The following SLIT3 variants were observed in gnomAD, a reference collection of about 807,000 sequenced individuals.
SLIT3 encodes slit guidance ligand 3.
In SLIT3, 68 loss-of-function variants were observed where a neutral mutation model predicts 184.0. That is an observed-to-expected ratio of 0.37 (90% confidence interval 0.30 to 0.45). SLIT3 has a LOEUF of 0.45. SLIT3 is among the 20% of genes least tolerant of loss of function. The pLI is 1.00. For synonymous variants in SLIT3, 831 were observed against 828.6 expected (o/e 1.00, Z -0.05); for missense variants, 1,707 against 2,026.0 (o/e 0.84, Z 3.02).
At chr5:168,752,845 G>C in intron 18 of SLIT3, 110 bp downstream of exon 18, 1 of 1,141,094 alleles carries the variant, frequency 8.8e-7, no homozygotes, top group Non-Finnish European at 1.3e-6. Flanking sequence ...GAGTTTTTAA[G>C]TGGACAGACA....
intron 4 of SLIT3, chr5:169,018,694 CTG>C (rs1756485881): frequency 2.0e-5 from 3 of 152,200 alleles, no homozygotes; most frequent in Admixed American, 2.0e-4. Flanking sequence ...TGTGGAAACA[CTG>C]TATTGATTTG....
chr5:169,198,953 TACACACAC>T (rs58669966), intron 3 of SLIT3, among the ~76,000 whole-genome samples: 2 of 142,078 alleles, frequency 1.4e-5, no homozygotes, highest in Non-Finnish European at 3.0e-5. Context: ...AAACAAACTA[TACACACAC>T]ACACACACAC....
intron 8 of SLIT3, among the ~76,000 whole-genome samples, chr5:168,812,982 G>T (rs1249899721): frequency 1.3e-5 from 2 of 151,860 alleles, no homozygotes; most frequent in African/African-American, 4.9e-5. Context: ...CTTATTGAGA[G>T]GCTATTAGGT....
chr5:169,275,574 C>A (rs142846321), intron 1 of SLIT3, among the ~76,000 whole-genome samples: 1 of 152,154 alleles, frequency 6.6e-6, no homozygotes, highest in Admixed American at 6.5e-5. Context: ...GACTTCCACA[C>A]GGTAGGGGCA....
intron 26 of SLIT3, among the ~76,000 whole-genome samples, chr5:168,706,022 T>C (rs1715074241): frequency 6.6e-6 from 1 of 152,230 alleles, no homozygotes; most frequent in Non-Finnish European, 1.5e-5. Context: ...GAATTGAGAA[T>C]GTTACAAATG....
At chr5:168,905,641 A>T (rs968226972) in intron 4 of SLIT3, among the ~76,000 whole-genome samples, 4 of 152,212 alleles carry the variant, frequency 2.6e-5, no homozygotes, top group African/African-American at 9.6e-5. Context: ...ATATATAGAC[A>T]CTACAGCTCA....
chr5:169,230,621 C>T (rs771271830), intron 3 of SLIT3, among the ~76,000 whole-genome samples: 16 of 152,140 alleles, frequency 1.1e-4, no homozygotes, highest in Non-Finnish European at 1.8e-4. Flanking sequence ...CGTTGCACTC[C>T]GCATTAAAAT....
chr5:169,275,842 G>A (rs1431684227), intron 1 of SLIT3, among the ~76,000 whole-genome samples: 2 of 152,150 alleles, frequency 1.3e-5, no homozygotes, highest in Non-Finnish European at 2.9e-5. Flanking sequence ...AACCATATCA[G>A]GGATGGAGCT....
chr5:169,182,815 G>T (rs1763210793), intron 4 of SLIT3, among the ~76,000 whole-genome samples: 1 of 152,184 alleles, frequency 6.6e-6, no homozygotes, highest in African/African-American at 2.4e-5. Flanking sequence ...CAGATAAAGA[G>T]AATGAAGAAT....
chr5:169,182,220 A>G (rs1440311026), intron 4 of SLIT3, among the ~76,000 whole-genome samples: 4 of 152,256 alleles, frequency 2.6e-5, no homozygotes, highest in Admixed American at 2.0e-4. Flanking sequence ...TGAATAAAAC[A>G]TCAGAATATT....
rs1459355586 is a variant in SLIT3, at chr5:168,817,343, G to A, written c.750C>T (p.Gly250=). ...TLCMAPVHLR[G]FNVADVQKKE... Reference sequence around the variant, plus strand: ...TCTTCTGCACATCCGCCACGTTGAAGCCCCTCAAATGCACAGGAGCCATGC... The same window carrying A: ...TCTTCTGCACATCCGCCACGTTGAAACCCCTCAAATGCACAGGAGCCATGC... Residue 250 remains glycine (G), a synonymous_variant, in exon 8 of 36, where the codon GGC becomes GGT. Coordinates refer to ENST00000519560, the MANE Select transcript of SLIT3 (RefSeq NM_003062.4). 6.2e-7 allele frequency: 1 copy of A among 1,614,056 alleles called. No homozygotes were observed. Among genetic ancestry groups the A allele is most frequent in the Non-Finnish European group, 8.5e-7 (1 of 1,180,034 alleles).
At chr5:168,924,951 T>A (rs775523212) in intron 4 of SLIT3, among the ~76,000 whole-genome samples, 1 of 152,086 alleles carries the variant, frequency 6.6e-6, no homozygotes, top group Non-Finnish European at 1.5e-5. Flanking sequence ...GGTAAGCAGT[T>A]GCCTCCTCCA....
chr5:169,125,904 T>A (rs576691779), intron 4 of SLIT3, among the ~76,000 whole-genome samples: 47 of 152,300 alleles, frequency 3.1e-4, no homozygotes, highest in Middle Eastern at 6.8e-3. Context: ...CGAAACCAGC[T>A]TGCTACAAGC....
intron 4 of SLIT3, among the ~76,000 whole-genome samples, chr5:169,082,515 T>C (rs1357736479): frequency 1.3e-5 from 2 of 152,200 alleles, no homozygotes; most frequent in African/African-American, 4.8e-5. Context: ...GTCTATTTAC[T>C]CTCTGATTCC....
At chr5:168,965,998 T>TG (rs201995920) in intron 4 of SLIT3, among the ~76,000 whole-genome samples, 6,069 of 152,302 alleles carry the variant, frequency 0.04, 155 homozygotes, top group Middle Eastern at 0.065. Flanking sequence ...TTCTCTTACC[T>TG]AAGCAGGCCA....
intron 4 of SLIT3, among the ~76,000 whole-genome samples, chr5:169,113,845 G>T (rs910738422): frequency 6.6e-6 from 1 of 151,728 alleles, no homozygotes; most frequent in Non-Finnish European, 1.5e-5. Context: ...TAGTAGAGGC[G>T]GGGTTTCACC....
chr5:168,770,028 A>G (rs1463579810), intron 14 of SLIT3, among the ~76,000 whole-genome samples: 4 of 152,214 alleles, frequency 2.6e-5, no homozygotes, highest in Non-Finnish European at 5.9e-5. Flanking sequence ...TTTCAGCAAG[A>G]GAGTTTCTTC....
intron 5 of SLIT3, among the ~76,000 whole-genome samples, chr5:168,849,332 G>A (rs1758593009): frequency 6.6e-6 from 1 of 152,240 alleles, no homozygotes; most frequent in Admixed American, 6.5e-5. Flanking sequence ...AAATCCAGCA[G>A]CAGCGTTCTG....
chr5:168,770,219 G>A (rs1022831513), intron 14 of SLIT3, among the ~76,000 whole-genome samples: 3 of 152,304 alleles, frequency 2.0e-5, no homozygotes, highest in East Asian at 3.9e-4. Context: ...TGCCCAAGGC[G>A]GCGGATGCAG....
Sources: allele counts gnomAD v4.1 joint callset (sites outside exome capture counted in the v4.1 genomes callset), GRCh38; gene constraint gnomAD v4.1.1; transcripts MANE v1.5; gene names NCBI Gene and HGNC (gene_info 2026-07-23, HGNC 2026-07-21).